PHACTR2: variants seen among roughly 807,000 people sequenced by gnomAD.
PHACTR2 encodes the protein phosphatase and actin regulator 2.
A neutral mutation model predicts 76.0 loss-of-function variants in PHACTR2; 30 were observed. That is an observed-to-expected ratio of 0.39 (90% CI 0.30 to 0.54). PHACTR2 has a LOEUF of 0.54. Ranked by LOEUF, PHACTR2 falls within the 20% of genes least tolerant of loss-of-function variation. The pLI is 0.61. For synonymous variants in PHACTR2, 292 were observed against 292.5 expected (o/e 1.00, Z 0.02); for missense variants, 696 against 781.1 (o/e 0.89, Z 1.30).
chr6:143,630,737 T>A (rs1471162060), intron 1 of PHACTR2, among the ~76,000 whole-genome samples: 1 of 152,218 alleles, frequency 6.6e-6, no homozygotes. Context: ...TACAATGCCA[T>A]TTATACTGGA....
intron 11 of PHACTR2, among the ~76,000 whole-genome samples, chr6:143,799,279 C>A (rs980106439): frequency 6.6e-6 from 1 of 152,036 alleles, no homozygotes; most frequent in Non-Finnish European, 1.5e-5. Context: ...TCTCTCTTTT[C>A]TTCTTTATTA....
At position 143,823,749 on chromosome 6, in the gene PHACTR2, T is replaced by C. The variant is rs949384435; in HGVS notation, c.*60T>C. ...CATCTTTGGGGGAAGCCCTGCTTCC[T>C]GAAAACCTGATATTGCACTGGGATT... On this transcript the variant is annotated 3_prime_UTR_variant, in exon 13 of 13. Coordinates refer to ENST00000440869, the MANE Select transcript of PHACTR2 (RefSeq NM_001100164.2). This position sits in a 1 kb window ranked among gnomAD's most constrained non-coding sequence, Gnocchi z 5.7. 3.7e-5 allele frequency: 49 copies of C among 1,333,270 alleles called. No individual in the cohort carries two copies. Among genetic ancestry groups the C allele is most frequent in the Non-Finnish European group, 5.0e-5 (46 of 924,556 alleles). The allele number at this position is 1,333,270 out of a possible 1,614,324, so 82.6% of individuals were successfully genotyped here.
intron 1 of PHACTR2, among the ~76,000 whole-genome samples, chr6:143,555,938 T>A (rs1256170985): frequency 2.0e-5 from 3 of 147,052 alleles, no homozygotes; most frequent in Admixed American, 6.8e-5. Flanking sequence ...TTTTTTTTTT[T>A]AAAGACTGTT....
chr6:143,556,586 C>G lies in PHACTR2; in HGVS notation c.217+19379C>G, dbSNP rs1304127292. Among the ~76,000 whole-genome samples, 1 of 152,146 alleles carries G rather than the reference C, an allele frequency of 6.6e-6. No individual in the cohort carries two copies. The highest frequency in any genetic ancestry group is 1.5e-5 in the Non-Finnish European group (1 of 68,022). The stretch of plus-strand genomic sequence containing the variant: ...CTAGCTCCTCTGCAGTGACAGCATT[C>G]AAAAAATCAATCTAAACGCAGCCCT... On this transcript the variant is annotated intron_variant, in intron 1 of 11. Coordinates refer to the PHACTR2 transcript ENST00000367584. The surrounding 1 kb of genome is among the most constrained non-coding windows in gnomAD (Gnocchi z 4.3).
In PHACTR2 at chr6:143,796,639, T is replaced by G. The variant is rs369028119; in HGVS notation, c.1845+7729T>G. On this transcript the variant is annotated intron_variant, in intron 11 of 12. Transcript: ENST00000440869. ...TGTGTTCTTATTGTTCAACTCCCAC[T>G]TATGAGTGAGAACATGCGGTGTTTG... Among the ~76,000 whole-genome samples, 27 of 151,738 alleles carry G rather than the reference T, an allele frequency of 1.8e-4. 1 individual carries two copies. The South Asian group carries it at 5.6e-3, about 32-fold the overall frequency.
rs538865468 is a variant in PHACTR2, at chr6:143,580,312, C to T, written c.217+43105C>T. On this transcript the variant is annotated intron_variant, in intron 1 of 11. Coordinates refer to the PHACTR2 transcript ENST00000367584. This position sits in a 1 kb window ranked among gnomAD's most constrained non-coding sequence, Gnocchi z 4.2. ...CATCTTGGCCAACACGGTGAAACCC[C>T]GTCTCTACTAAAAATACAAAAAATT... is the stretch of plus-strand genomic sequence containing the variant. Among the ~76,000 whole-genome samples, 17 of 152,188 alleles carry T rather than the reference C, an allele frequency of 1.1e-4. No homozygotes were observed. In the East Asian group the frequency reaches 3.1e-3, roughly 28 times the overall value.
rs1032674824 is a variant in PHACTR2 at position 143,782,195 on chromosome 6, T to A, written c.1646-1024T>A. On this transcript the variant is annotated intron_variant, in intron 9 of 12. Transcript: ENST00000440869. This position sits in a 1 kb window ranked among gnomAD's most constrained non-coding sequence, Gnocchi z 4.6. ...GAGCCAAGATCGCGCCACTGCACTC[T>A]AGCCTGGGTGACAGAGCGAGAATCC... Among the ~76,000 whole-genome samples the A allele has an allele frequency of 2.6e-5, 4 of 152,130 alleles. No homozygotes were observed. The highest frequency in any genetic ancestry group is 9.7e-5 in the African/African-American group (4 of 41,430).
rs1217465105 is a variant in PHACTR2, at chr6:143,827,173, T to TAC, written c.*3485_*3486insCA. 6.1e-4 allele frequency: 73 copies of TAC among 119,806 alleles called. No individual in the cohort carries two copies. Among genetic ancestry groups the TAC allele is most frequent in the African/African-American group, 2.4e-3 (73 of 30,122 alleles). 7.4% of individuals were successfully genotyped at this position (119,806 alleles called of 1,614,324 possible). A position where few individuals can be genotyped will look rare whatever the true frequency, so the allele number is the denominator to read the frequency against. On this transcript the variant is annotated 3_prime_UTR_variant, in exon 13 of 13. Transcript: ENST00000440869. ...AAAAGAAAATATATATATATATATA[T>TAC]ATATATATATATATATATATATATA...
At position 143,819,072 on chromosome 6, in the gene PHACTR2, C is replaced by G. The variant is rs1243302298; in HGVS notation, c.1923-4602C>G. Among the ~76,000 whole-genome samples, 1 of 152,094 alleles carries G rather than the reference C, an allele frequency of 6.6e-6. No homozygotes were observed. Among genetic ancestry groups the G allele is most frequent in the Non-Finnish European group, 1.5e-5 (1 of 68,022 alleles). On this transcript the variant is annotated intron_variant, in intron 12 of 12. Transcript: ENST00000440869. The surrounding 1 kb of genome is among the most constrained non-coding windows in gnomAD (Gnocchi z 5.0). Reference sequence around the variant, plus strand: ...TTAAGTTTAGGGGCTTCTGATTGGACTCCTCAGTCATATAGAATTATTTAT... The same window carrying G: ...TTAAGTTTAGGGGCTTCTGATTGGAGTCCTCAGTCATATAGAATTATTTAT...
rs1346503341 is a variant in PHACTR2, at chr6:143,730,001, C to T, written c.214+17818C>T. 6.6e-6 allele frequency among the ~76,000 whole-genome samples: 1 copy of T among 152,148 alleles called. No homozygotes were observed. The highest frequency in any genetic ancestry group is 2.4e-5 in the African/African-American group (1 of 41,434). On this transcript the variant is annotated intron_variant, in intron 2 of 12. Transcript: ENST00000440869. The surrounding 1 kb of genome is among the most constrained non-coding windows in gnomAD (Gnocchi z 4.8). ...AACATATATGTGGTCTATTTCTGGA[C>T]TCACTATTTTATTCTCTTAATCTGT...
chr6:143,605,767 T>C (rs150294677), upstream of PHACTR2, among the ~76,000 whole-genome samples: 468 of 152,334 alleles, frequency 3.1e-3, 2 homozygotes, highest in African/African-American at 0.01. The surrounding 1 kb of genome is among the most constrained non-coding windows in gnomAD (Gnocchi z 5.0). Context: ...AGATGTTAAG[T>C]TCCTAAATAC....
intron 1 of PHACTR2, among the ~76,000 whole-genome samples, chr6:143,560,813 T>C (rs1775257584): frequency 6.6e-6 from 1 of 151,718 alleles, no homozygotes; most frequent in African/African-American, 2.4e-5. Flanking sequence ...TGAGAGGGCA[T>C]ATAAGGACTT....
rs116599312 is a variant in PHACTR2, at chr6:143,806,826, G to A, written c.1846-231G>A. On this transcript the variant is annotated intron_variant, in intron 11 of 12. Transcript: ENST00000440869. The surrounding 1 kb of genome is among the most constrained non-coding windows in gnomAD (Gnocchi z 5.8). ...TTAAAAATTAGCTGAGCATGGTGGC[G>A]CACACCTGTAATCCGAGCTACTGGG... Among the ~76,000 whole-genome samples, 39 of 151,906 alleles carry A rather than the reference G, an allele frequency of 2.6e-4. No homozygotes were observed. The highest frequency in any genetic ancestry group is 2.2e-3 in the Admixed American group (34 of 15,234).
At chr6:143,685,523 T>G (rs1035147236) in intron 1 of PHACTR2, among the ~76,000 whole-genome samples, 4 of 152,100 alleles carry the variant, frequency 2.6e-5, no homozygotes, top group Non-Finnish European at 4.4e-5. Flanking sequence ...TTGAATTAAC[T>G]TTTTAAAACT....
rs10675688 is a variant in PHACTR2, at chr6:143,719,813, C to CTTTTTT, written c.214+7644_214+7649dup. Among the ~76,000 whole-genome samples, 7 of 94,818 alleles carry CTTTTTT rather than the reference C, an allele frequency of 7.4e-5. 1 individual carries two copies. Among genetic ancestry groups the CTTTTTT allele is most frequent in the African/African-American group, 1.4e-4 (3 of 20,984 alleles). 62.2% of individuals were successfully genotyped at this position (94,818 alleles called of 152,430 possible). A position where few individuals can be genotyped will look rare whatever the true frequency, so the allele number is the denominator to read the frequency against. The stretch of plus-strand genomic sequence containing the variant: ...AGGGCTTCTTGCTTTGTGTTCGACA[C>CTTTTTT]TTTTTTTTTTTTTTTTTTTGAGACA... On this transcript the variant is annotated intron_variant, in intron 2 of 12. Transcript: ENST00000440869.
intron 1 of PHACTR2, among the ~76,000 whole-genome samples, chr6:143,667,215 C>T (rs983783458): frequency 1.3e-5 from 2 of 152,130 alleles, no homozygotes; most frequent in Admixed American, 6.6e-5. Flanking sequence ...TCTGAGGCCT[C>T]GGTTCTGTTC....
intron 1 of PHACTR2, among the ~76,000 whole-genome samples, chr6:143,681,074 A>G (rs1321030397): frequency 6.6e-6 from 1 of 152,198 alleles, no homozygotes; most frequent in African/African-American, 2.4e-5. Flanking sequence ...AACTTAATGT[A>G]CAAGTTGTTG....
At position 143,767,179 on chromosome 6, in the gene PHACTR2, C is replaced by T. The variant is rs1779581154; in HGVS notation, c.1232+1381C>T. On this transcript the variant is annotated intron_variant, in intron 6 of 12. Transcript: ENST00000440869. This position sits in a 1 kb window ranked among gnomAD's most constrained non-coding sequence, Gnocchi z 4.4. ...TTATCATTTTATTTACACAAGTCTTCCCAAAAGTATCCCTGTTTTATAGAT... is the reference window on the plus strand; with the variant it reads ...TTATCATTTTATTTACACAAGTCTTTCCAAAAGTATCCCTGTTTTATAGAT... 6.6e-6 allele frequency among the ~76,000 whole-genome samples: 1 copy of T among 152,206 alleles called. No homozygotes were observed. Among genetic ancestry groups the T allele is most frequent in the Admixed American group, 6.5e-5 (1 of 15,286 alleles).
intron 1 of PHACTR2, among the ~76,000 whole-genome samples, chr6:143,650,006 A>G (rs975673466): frequency 2.6e-5 from 4 of 152,248 alleles, no homozygotes; most frequent in Admixed American, 6.5e-5. Context: ...AGGATACACA[A>G]TCAATGTACA....
Sources: gnomAD v4.1 joint callset for allele counts (sites outside exome capture counted in the v4.1 genomes callset) on GRCh38, gnomAD v4.1.1 for gene constraint, Gnocchi (gnomAD v3.1) non-coding constraint, MANE v1.5 for transcripts, NCBI Gene and HGNC (gene_info 2026-07-23, HGNC 2026-07-21) for gene names.